The following GEMIN8 variants were observed in gnomAD, a reference collection of about 807,000 sequenced individuals.
GEMIN8 encodes the protein gem-associated protein 8.
For missense variants in GEMIN8, 185 were observed against 205.9 expected (o/e 0.90, Z 0.62); for synonymous variants, 80 against 78.5 (o/e 1.02, Z -0.10).
downstream of GEMIN8, among the ~76,000 whole-genome samples, chrX:14,002,328 G>T (rs867098884): frequency 1.3e-5 from 1 of 78,019 alleles, no homozygotes; most frequent in Admixed American, 1.5e-4. Context: ...AGATAGATAG[G>T]TGATAGATAG....
intron 1 of GEMIN8, among the ~76,000 whole-genome samples, chrX:14,027,683 T>C (rs962158721): frequency 8.9e-6 from 1 of 112,335 alleles, no homozygotes; most frequent in African/African-American, 3.2e-5. Flanking sequence ...CAAATGACAT[T>C]CCACCCACAG....
chrX:14,008,215 G>A lies in GEMIN8; in HGVS notation c.*698C>T, dbSNP rs903191242. 1.8e-5 allele frequency: 2 copies of A among 111,205 alleles called. No homozygotes were observed. Among genetic ancestry groups the A allele is most frequent in the African/African-American group, 6.6e-5 (2 of 30,530 alleles). The allele number at this position is 111,205 out of a possible 1,213,427, so 9.2% of individuals were successfully genotyped here. A position where few individuals can be genotyped will look rare whatever the true frequency, so the allele number is the denominator to read the frequency against. On this transcript the variant is annotated 3_prime_UTR_variant, in exon 5 of 5. Coordinates refer to ENST00000680255, the MANE Select transcript of GEMIN8 (RefSeq NM_001042479.2). ...GATGGTCTCCATCTCCTGACCTCGT[G>A]ATCTGCCCACCTCGGCCTCCCAAAG...
the GEMIN8 span, among the ~76,000 whole-genome samples, chrX:13,997,707 C>T: frequency 2.7e-5 from 3 of 110,852 alleles, no homozygotes; most frequent in African/African-American, 9.8e-5. Context: ...CCAGCCTGGC[C>T]AACATGGCAA....
chrX:14,018,766 CT>C (rs58528171), intron 4 of GEMIN8, among the ~76,000 whole-genome samples: 2,894 of 91,641 alleles, frequency 0.032, 41 homozygotes, highest in African/African-American at 0.068. Flanking sequence ...CTTTTCTTTT[CT>C]TTTTTTTTTT....
intron 4 of GEMIN8, among the ~76,000 whole-genome samples, chrX:14,014,762 GTATGAAAACCACATCTGGGCA>G (rs1219484189): frequency 1.8e-5 from 2 of 111,730 alleles, no homozygotes; most frequent in Non-Finnish European, 3.8e-5. Flanking sequence ...CCCCTCAAAC[GTATGAAAACCACATCTGGGCA>G]TATGAAAACC....
In GEMIN8 at chrX:14,020,269, C is replaced by G. The variant is rs1330060819; in HGVS notation, c.281G>C (p.Arg94Thr). The stretch of plus-strand genomic sequence containing the variant: ...GTAACGTGGATGCTGCCCAGATCTT[C>G]TGAAATGTGAAGAACTGCAGGGGTA... ...QDYPCSSSHF[R>T]RSGQHPRYSS... The change falls in exon 4 of 5, where the codon AGA becomes ACA. Residue 94 changes from arginine to threonine, a missense_variant. Transcript: ENST00000680255. 2 of 1,209,677 alleles carry G rather than the reference C, an allele frequency of 1.7e-6. No individual in the cohort carries two copies. The highest frequency in any genetic ancestry group is 2.2e-6 in the Non-Finnish European group (2 of 894,878).
At chrX:14,025,557 C>A (rs1256175684) in intron 2 of GEMIN8, among the ~76,000 whole-genome samples, 1 of 111,412 alleles carries the variant, frequency 9.0e-6, no homozygotes, top group Non-Finnish European at 1.9e-5. Flanking sequence ...GATTCTCACA[C>A]GTTTCATAAA....
At chrX:13,999,521 C>T in the GEMIN8 span, among the ~76,000 whole-genome samples, 1 of 111,378 alleles carries the variant, frequency 9.0e-6, no homozygotes, top group African/African-American at 3.3e-5. Flanking sequence ...GGTAATCCGC[C>T]CGCCTCAGCC....
chrX:14,012,608 C>T (rs1444870748), intron 4 of GEMIN8, among the ~76,000 whole-genome samples: 6 of 111,885 alleles, frequency 5.4e-5, no homozygotes, highest in Non-Finnish European at 9.4e-5. Flanking sequence ...CACCTTTACT[C>T]ACAGCTGTAC....
At chrX:14,027,949 A>T (rs1279559475) in intron 1 of GEMIN8, among the ~76,000 whole-genome samples, 1 of 112,652 alleles carries the variant, frequency 8.9e-6, no homozygotes, top group Non-Finnish European at 1.9e-5. Context: ...ACCTAGTGTG[A>T]CCATAAGGTA....
Position 14,020,590 on chromosome X carries a change from GA to G in GEMIN8, c.16-57del, listed in dbSNP as rs773081839. ...ACCAAAGTGTTTATTATCCTCAAGAGAAATCTTCAAATGTTTAATCTGCTAC... is the reference window on the plus strand; with the variant it reads ...ACCAAAGTGTTTATTATCCTCAAGAGAATCTTCAAATGTTTAATCTGCTAC... On this transcript the variant is annotated intron_variant, in intron 3 of 4. Coordinates refer to ENST00000680255, the MANE Select transcript of GEMIN8 (RefSeq NM_001042479.2). 29 of 745,530 alleles carry G rather than the reference GA, an allele frequency of 3.9e-5. No individual in the cohort carries two copies. In the African/African-American group the frequency reaches 5.9e-4, roughly 15 times the overall value. 61.4% of individuals were successfully genotyped at this position (745,530 alleles called of 1,213,427 possible).
intron 4 of GEMIN8, among the ~76,000 whole-genome samples, chrX:14,015,594 A>G (rs1923850499): frequency 8.9e-6 from 1 of 112,501 alleles, no homozygotes; most frequent in South Asian, 3.6e-4. Flanking sequence ...CTTTATCCTA[A>G]GAAAATATTA....
chrX:13,989,101 T>G, the GEMIN8 span, among the ~76,000 whole-genome samples: 2 of 110,501 alleles, frequency 1.8e-5, no homozygotes, highest in African/African-American at 6.6e-5. Flanking sequence ...TTTTAATTAA[T>G]TTTTTGAGAG....
At chrX:13,985,761 T>A in the GEMIN8 span, among the ~76,000 whole-genome samples, 1 of 111,483 alleles carries the variant, frequency 9.0e-6, no homozygotes, top group African/African-American at 3.3e-5. Flanking sequence ...CTTCTCTTCA[T>A]AACTTGATCA....
In GEMIN8 at chrX:14,008,851, G is replaced by A; in HGVS notation, c.*62C>T. ...CCTTTCCCTAAGAAATGTACAGAAG[G>A]AGAGATAAAGAGCGTGTACCCAAAA... On this transcript the variant is annotated 3_prime_UTR_variant, in exon 5 of 5. Transcript: ENST00000680255. 12 of 1,055,687 alleles carry A rather than the reference G, an allele frequency of 1.1e-5. No individual in the cohort carries two copies. The highest frequency in any genetic ancestry group is 1.6e-5 in the Non-Finnish European group (12 of 766,190). The allele number at this position is 1,055,687 out of a possible 1,213,427, so 87.0% of individuals were successfully genotyped here. A position where few individuals can be genotyped will look rare whatever the true frequency, so the allele number is the denominator to read the frequency against.
At chrX:14,009,660 TTC>T (rs1398188752) in intron 4 of GEMIN8, among the ~76,000 whole-genome samples, 19 of 111,674 alleles carry the variant, frequency 1.7e-4, no homozygotes, top group Non-Finnish European at 3.0e-4. Flanking sequence ...CCACCTGAGG[TTC>T]TCTCTTTTCA....
At chrX:13,992,982 A>C in the GEMIN8 span, among the ~76,000 whole-genome samples, 4 of 111,405 alleles carry the variant, frequency 3.6e-5, no homozygotes, top group African/African-American at 6.5e-5. Flanking sequence ...TGGAGGCATG[A>C]AAAAGGAGTT....
chrX:14,002,373 A>AG (rs59375138), downstream of GEMIN8, among the ~76,000 whole-genome samples: 10 of 109,506 alleles, frequency 9.1e-5, no homozygotes, highest in Admixed American at 7.8e-4. Context: ...ATAGATAGAT[A>AG]AATAGAGTTC....
intron 4 of GEMIN8, chrX:14,014,405 G>A (rs962059330): frequency 1.1e-4 from 79 of 750,928 alleles, no homozygotes; most frequent in Admixed American, 5.3e-4. Flanking sequence ...CATGACAAAT[G>A]TAATCCTGAA....
Sources: gnomAD v4.1 joint callset for allele counts (sites outside exome capture counted in the v4.1 genomes callset) on GRCh38, gnomAD v4.1.1 for gene constraint, MANE v1.5 for transcripts, NCBI Gene and HGNC (gene_info 2026-07-23, HGNC 2026-07-21) for gene names.